Variants in CNTN4 observed in about 807,000 individuals in gnomAD.
The protein encoded by CNTN4 is contactin 4, also known as contactin-4.
CNTN4 carries 77 observed loss-of-function variants against 122.5 expected under a neutral mutation model. The ratio of observed to expected loss-of-function variants is 0.63; its 90% CI spans 0.52 to 0.76. The LOEUF (loss-of-function observed/expected upper bound fraction) is 0.76, where lower values mean the gene tolerates loss of function less well. Among genes scored for constraint, CNTN4 ranks in the 30% least tolerant of loss-of-function variants. The pLI, the probability that CNTN4 is intolerant of heterozygous loss-of-function variation, is 0.00. For synonymous variants in CNTN4, 512 were observed against 447.0 expected, an observed-to-expected ratio of 1.15 and a Z score of -1.83; for missense variants, 1,256 against 1,259.1, an observed-to-expected ratio of 1.00 and a Z score of 0.04.
In CNTN4 at chr3:2,385,198, A is replaced by G. The variant is rs1041480403; in HGVS notation, c.-89+45965A>G. 6.6e-6 allele frequency among the ~76,000 whole-genome samples: 1 copy of G among 152,206 alleles called. No individual in the cohort carries two copies. Among genetic ancestry groups the G allele is most frequent in the African/African-American group, 2.4e-5 (1 of 41,454 alleles). ...ACAAGGTTAATCCCAAACTCTTTTT[A>G]AAAATAATCTGTCTACTACTCAACT... On this transcript the variant is annotated intron_variant, in intron 3 of 24. Transcript: ENST00000418658. The surrounding 1 kb of genome is among the most constrained non-coding windows in gnomAD (Gnocchi z 4.0).
chr3:2,450,679 C>T (rs973153074), intron 3 of CNTN4, among the ~76,000 whole-genome samples: 1 of 152,086 alleles, frequency 6.6e-6, no homozygotes, highest in Non-Finnish European at 1.5e-5. Flanking sequence ...TTAATAGAGA[C>T]TGAATAACTC....
chr3:2,815,182 G>C (rs1004001495), intron 6 of CNTN4, among the ~76,000 whole-genome samples: 7 of 152,186 alleles, frequency 4.6e-5, no homozygotes, highest in African/African-American at 9.7e-5. Context: ...CTTAGGCAAG[G>C]ATTTCATGAC....
At chr3:2,470,628 T>A (rs889183773) in intron 3 of CNTN4, among the ~76,000 whole-genome samples, 8 of 152,164 alleles carry the variant, frequency 5.3e-5, no homozygotes, top group Admixed American at 5.2e-4. Flanking sequence ...CAACAGACAC[T>A]TACACCCCCA....
intron 7 of CNTN4, among the ~76,000 whole-genome samples, chr3:2,820,622 C>A (rs1197456733): frequency 1.3e-5 from 2 of 152,052 alleles, no homozygotes; most frequent in Admixed American, 6.6e-5. Flanking sequence ...CCTCTGACAA[C>A]CAATCAAGGG....
rs74894545 is a variant in CNTN4 at position 2,570,888 on chromosome 3, C to T, written c.-88-528C>T. 3.6e-3 allele frequency among the ~76,000 whole-genome samples: 543 copies of T among 152,282 alleles called. 23 individuals are homozygous for T. In the East Asian group the frequency reaches 0.075, roughly 21 times the overall value. On this transcript the variant is annotated intron_variant, in intron 3 of 24. Coordinates refer to ENST00000418658, the MANE Select transcript of CNTN4 (RefSeq NM_175607.3). ...TCTCATTAGACACTGGAGCTGCATA[C>T]TTCTGTGGCATGTTAGAAGTGAAAC... is the stretch of plus-strand genomic sequence containing the variant.
chr3:2,974,681 C>T (rs144826227), intron 13 of CNTN4, among the ~76,000 whole-genome samples: 1 of 152,276 alleles, frequency 6.6e-6, no homozygotes, highest in Non-Finnish European at 1.5e-5. Context: ...CTGTGCTTCC[C>T]AGAAGGCAAA....
chr3:3,050,492 G>A (rs113104124), intron 23 of CNTN4, among the ~76,000 whole-genome samples: 10 of 152,026 alleles, frequency 6.6e-5, no homozygotes, highest in Non-Finnish European at 1.2e-4. Flanking sequence ...GGCCGGGCAC[G>A]GTGGCTCACA....
chr3:2,521,351 A>AC lies in CNTN4; in HGVS notation c.-88-50059dup, dbSNP rs770856406. ...GGGTGGACCTCTACCCATCCCCCCC[A>AC]CCCCCCGCAATAAGTCACTCATTTC... is the stretch of plus-strand genomic sequence containing the variant. On this transcript the variant is annotated intron_variant, in intron 3 of 24. Transcript: ENST00000418658. 6.6e-3 allele frequency among the ~76,000 whole-genome samples: 762 copies of AC among 115,254 alleles called. 6 individuals are homozygous for AC. The highest frequency in any genetic ancestry group is 9.6e-3 in the Non-Finnish European group (515 of 53,816). The allele number at this position is 115,254 out of a possible 152,430, so 75.6% of individuals were successfully genotyped here. A position where few individuals can be genotyped will look rare whatever the true frequency, so the allele number is the denominator to read the frequency against.
At chr3:2,671,206 C>T (rs980101174) in intron 4 of CNTN4, among the ~76,000 whole-genome samples, 1 of 152,156 alleles carries the variant, frequency 6.6e-6, no homozygotes, top group African/African-American at 2.4e-5. Context: ...GTTCCATTCT[C>T]CCCGTCACTT....
chr3:2,406,992 G>A (rs1188362530), intron 3 of CNTN4, among the ~76,000 whole-genome samples: 1 of 152,154 alleles, frequency 6.6e-6, no homozygotes, highest in Non-Finnish European at 1.5e-5. Flanking sequence ...TGAATCCAAA[G>A]TCTTAAATTC....
At chr3:2,523,815 C>T (rs1195934032) in intron 3 of CNTN4, among the ~76,000 whole-genome samples, 1 of 152,016 alleles carries the variant, frequency 6.6e-6, no homozygotes, top group African/African-American at 2.4e-5. Context: ...ATGAATGACT[C>T]ACTTTTTCAA....
At chr3:2,917,712 G>T (rs2094384470) in intron 12 of CNTN4, among the ~76,000 whole-genome samples, 1 of 152,168 alleles carries the variant, frequency 6.6e-6, no homozygotes, top group Admixed American at 6.5e-5. Flanking sequence ...CTGCTTTCTA[G>T]ATCCCTTTCT....
chr3:2,379,349 C>T (rs1202848265), intron 3 of CNTN4, among the ~76,000 whole-genome samples: 1 of 151,818 alleles, frequency 6.6e-6, no homozygotes, highest in Non-Finnish European at 1.5e-5. Context: ...TGCAGATCTG[C>T]CTATTATAGA....
chr3:2,456,958 C>A (rs912845261), intron 3 of CNTN4, among the ~76,000 whole-genome samples: 12 of 152,116 alleles, frequency 7.9e-5, no homozygotes, highest in Non-Finnish European at 1.8e-4. Flanking sequence ...ATTCTCAGAA[C>A]CCTATGAGGT....
chr3:2,824,003 A>C (rs2092931956), intron 7 of CNTN4, among the ~76,000 whole-genome samples: 1 of 152,098 alleles, frequency 6.6e-6, no homozygotes, highest in Admixed American at 6.5e-5. Flanking sequence ...AGATGCCCTG[A>C]GTCATAGCTG....
intron 2 of CNTN4, chr3:2,238,985 A>G (rs75036384): frequency 0.13 from 19,102 of 147,696 alleles, 2,659 homozygotes; most frequent in African/African-American, 0.35. Flanking sequence ...TCGGCCTCCC[A>G]AAGTGCTGGG....
intron 7 of CNTN4, among the ~76,000 whole-genome samples, chr3:2,859,049 T>C (rs924504085): frequency 2.0e-5 from 3 of 152,226 alleles, no homozygotes; most frequent in African/African-American, 7.2e-5. Context: ...TTGACCAACA[T>C]TCCTCCAACC....
intron 19 of CNTN4, chr3:3,039,329 A>C: frequency 3.9e-6 from 1 of 259,354 alleles, no homozygotes; most frequent in Non-Finnish European, 7.6e-6. Flanking sequence ...TGGCCAATTG[A>C]TTTAAAACGT....
chr3:2,462,657 T>TA (rs1387290407), intron 3 of CNTN4, among the ~76,000 whole-genome samples: 1 of 152,204 alleles, frequency 6.6e-6, no homozygotes, highest in East Asian at 1.9e-4. Flanking sequence ...AAAAGAGGAA[T>TA]AAAAATATTT....
Sources: allele counts gnomAD v4.1 joint callset (sites outside exome capture counted in the v4.1 genomes callset), GRCh38; gene constraint gnomAD v4.1.1; non-coding constraint Gnocchi (gnomAD v3.1); transcripts MANE v1.5; gene names NCBI Gene and HGNC (gene_info 2026-07-23, HGNC 2026-07-21).